The following FMO4 variants were observed in gnomAD, a reference collection of about 807,000 sequenced individuals.
The protein encoded by FMO4 is flavin containing dimethylaniline monoxygenase 4.
In FMO4, 38 loss-of-function variants were observed where a neutral mutation model predicts 43.3. The ratio of observed to expected loss-of-function variants is 0.88; its 90% CI spans 0.68 to 1.15. FMO4 has a LOEUF of 1.15. Ranked by LOEUF, FMO4 falls within the 50% of genes most tolerant of loss-of-function variation. The pLI is 0.00. For missense variants in FMO4, 631 were observed against 663.3 expected, an observed-to-expected ratio of 0.95 and a Z score of 0.54; for synonymous variants, 224 against 232.2, an observed-to-expected ratio of 0.96 and a Z score of 0.32.
At position 171,333,522 on chromosome 1, in the gene FMO4, C is replaced by A. The variant is rs140665906; in HGVS notation, c.827+614C>A. On this transcript the variant is annotated intron_variant, in intron 7 of 9. Coordinates refer to ENST00000367749, the MANE Select transcript of FMO4 (RefSeq NM_002022.3). The stretch of plus-strand genomic sequence containing the variant: ...TATAGGAATGAGCCACTCCACTCAG[C>A]CAAAATGATATATTTTAATATACAT... 5.5e-3 allele frequency among the ~76,000 whole-genome samples: 835 copies of A among 152,120 alleles called. 4 individuals carry two copies. Among genetic ancestry groups the A allele is most frequent in the African/African-American group, 0.018 (744 of 41,488 alleles).
intron 3 of FMO4, among the ~76,000 whole-genome samples, chr1:171,322,066 A>G (rs1457160332): frequency 2.0e-5 from 3 of 152,204 alleles, no homozygotes; most frequent in Non-Finnish European, 4.4e-5. Flanking sequence ...TTGAATCAAG[A>G]TAAGTTGAGG....
At chr1:171,320,454 C>T (rs748737362) in intron 3 of FMO4, among the ~76,000 whole-genome samples, 17 of 152,114 alleles carry the variant, frequency 1.1e-4, no homozygotes, top group Non-Finnish European at 1.9e-4. Flanking sequence ...GGGGAGGGTT[C>T]CCTGTCACAT....
rs1187823590 is a variant in FMO4, at chr1:171,314,408, A to G, written c.-156A>G. The G allele has an allele frequency of 2.6e-5, 4 of 152,120 alleles. No individual in the cohort carries two copies. The highest frequency in any genetic ancestry group is 9.7e-5 in the African/African-American group (4 of 41,404). The allele number at this position is 152,120 out of a possible 1,614,324, so 9.4% of individuals were successfully genotyped here. ...AAGTCAAAGAATCTGCTCTATGCTAACCAAGGTAAGTGTCCTGGATTTTTT... is the reference window on the plus strand; with the variant it reads ...AAGTCAAAGAATCTGCTCTATGCTAGCCAAGGTAAGTGTCCTGGATTTTTT... On this transcript the variant is annotated 5_prime_UTR_variant, in exon 1 of 10. Transcript: ENST00000367749.
chr1:171,333,436 C>T (rs1254370420), intron 7 of FMO4, among the ~76,000 whole-genome samples: 1 of 151,986 alleles, frequency 6.6e-6, no homozygotes, highest in East Asian at 1.9e-4. Flanking sequence ...GTTGGCCAGG[C>T]TGGTTTTGAA....
intron 9 of FMO4, among the ~76,000 whole-genome samples, chr1:171,339,329 T>C (rs1663256346): frequency 6.6e-6 from 1 of 152,162 alleles, no homozygotes; most frequent in African/African-American, 2.4e-5. Flanking sequence ...CAACTATTTA[T>C]GGAGAAAAAG....
chr1:171,335,250 T>C (rs2101903076), intron 8 of FMO4, among the ~76,000 whole-genome samples: 1 of 152,232 alleles, frequency 6.6e-6, no homozygotes, highest in Non-Finnish European at 1.5e-5. Flanking sequence ...GCTACGGAGG[T>C]CCAATCCCAA....
At chr1:171,330,620 C>T (rs1571403807) in intron 5 of FMO4, among the ~76,000 whole-genome samples, 1 of 152,136 alleles carries the variant, frequency 6.6e-6, no homozygotes, top group Admixed American at 6.5e-5. Context: ...CATCATATCT[C>T]GTGAGACTTA....
intron 3 of FMO4, among the ~76,000 whole-genome samples, chr1:171,321,236 A>T (rs935309976): frequency 2.0e-5 from 3 of 152,178 alleles, no homozygotes; most frequent in Non-Finnish European, 4.4e-5. Context: ...TAGGGAAAAA[A>T]AAGAAAAATA....
At position 171,341,736 on chromosome 1, in the gene FMO4, C is replaced by T; in HGVS notation, c.1574C>T (p.Ala525Val). ...LKAWGAPVLL[A>V]SLLLICKSSL... is the part of the protein sequence containing the mutation. ...GCCTGGGGGGCACCTGTCCTACTTG[C>T]CTCTCTTCTACTTATCTGTAAATCT... Residue 525 changes from alanine to valine, a missense_variant, in exon 10 of 10, where the codon GCC (alanine) becomes GTC (valine). Coordinates refer to ENST00000367749, the MANE Select transcript of FMO4 (RefSeq NM_002022.3). 1.2e-6 allele frequency: 2 copies of T among 1,613,726 alleles called. No individual in the cohort carries two copies. The highest frequency in any genetic ancestry group is 1.7e-6 in the Non-Finnish European group (2 of 1,179,824).
intron 5 of FMO4, among the ~76,000 whole-genome samples, chr1:171,329,939 A>G (rs1019884426): frequency 6.6e-6 from 1 of 152,158 alleles, no homozygotes; most frequent in Admixed American, 6.5e-5. Context: ...TATACAATCT[A>G]CTTCTTGCCC....
intron 9 of FMO4, among the ~76,000 whole-genome samples, chr1:171,340,560 A>T (rs1199124620): frequency 6.6e-6 from 1 of 152,236 alleles, no homozygotes; most frequent in African/African-American, 2.4e-5. Context: ...ACAGAAAAGC[A>T]TGATGGGAAA....
intron 5 of FMO4, among the ~76,000 whole-genome samples, chr1:171,330,683 C>T (rs958996464): frequency 5.9e-5 from 9 of 152,146 alleles, no homozygotes; most frequent in Non-Finnish European, 1.2e-4. Context: ...ATTCAGTTAC[C>T]TCCCACTGGG....
chr1:171,322,604 G>A (rs776125943), intron 3 of FMO4, among the ~76,000 whole-genome samples: 1 of 152,086 alleles, frequency 6.6e-6, no homozygotes, highest in Non-Finnish European at 1.5e-5. Flanking sequence ...TGTAATCCAG[G>A]CACTTTAAGA....
intron 9 of FMO4, among the ~76,000 whole-genome samples, chr1:171,339,687 C>T (rs1330491215): frequency 6.6e-6 from 1 of 152,088 alleles, no homozygotes; most frequent in Non-Finnish European, 1.5e-5. Context: ...ATGCCAAGGT[C>T]ATGAAAGATG....
chr1:171,324,345 T>G, intron 5 of FMO4, 45 bp downstream of exon 5: 1 of 1,472,444 alleles, frequency 6.8e-7, no homozygotes, highest in Non-Finnish European at 9.2e-7. Context: ...TCTGGGTTCT[T>G]CTAGAAGTAA....
intron 5 of FMO4, among the ~76,000 whole-genome samples, chr1:171,329,232 G>A (rs986480919): frequency 7.2e-5 from 11 of 152,186 alleles, no homozygotes; most frequent in Admixed American, 3.9e-4. Flanking sequence ...CTCTGATCTC[G>A]GGGGTGTTTA....
Position 171,337,347 on chromosome 1 carries a change from T to C in FMO4, c.1181-9T>C, listed in dbSNP as rs372467669. ...GTGACTTTAGTGTTGTTTGTGATTT[T>C]TCCCACAGGACTCTGTAAGATACCT... On this transcript the variant is annotated splice_polypyrimidine_tract_variant and intron_variant, in intron 8 of 9. Transcript: ENST00000367749. The C allele has an allele frequency of 1.0e-5, 16 of 1,600,502 alleles. No homozygotes were observed. The highest frequency in any genetic ancestry group is 1.7e-5 in the Admixed American group (1 of 59,920).
chr1:171,335,208 T>C (rs755177878), intron 8 of FMO4, among the ~76,000 whole-genome samples: 1 of 152,212 alleles, frequency 6.6e-6, no homozygotes, highest in Non-Finnish European at 1.5e-5. Context: ...TTCTGTCAAT[T>C]ATGCAATAAG....
At chr1:171,324,456 A>G (rs1464892728) in intron 5 of FMO4, among the ~76,000 whole-genome samples, 156 bp downstream of exon 5, 1 of 152,166 alleles carries the variant, frequency 6.6e-6, no homozygotes, top group African/African-American at 2.4e-5. Context: ...AAGTTGTATA[A>G]CGCACTATGT....
Sources: allele counts gnomAD v4.1 joint callset (sites outside exome capture counted in the v4.1 genomes callset), GRCh38; gene constraint gnomAD v4.1.1; transcripts MANE v1.5; gene names NCBI Gene and HGNC (gene_info 2026-07-23, HGNC 2026-07-21).